GPHN: variants seen among roughly 807,000 people sequenced by gnomAD.
GPHN encodes the protein gephyrin.
In GPHN, 17 loss-of-function variants were observed where a neutral mutation model predicts 95.5. That is an observed-to-expected ratio of 0.18 (90% CI 0.12 to 0.27). GPHN has a LOEUF of 0.27. Ranked by LOEUF, GPHN falls within the 10% of genes least tolerant of loss-of-function variation. The pLI is 1.00. For missense variants in GPHN, 660 were observed against 978.1 expected, an observed-to-expected ratio of 0.67 and a Z score of 4.34; for synonymous variants, 320 against 322.5, an observed-to-expected ratio of 0.99 and a Z score of 0.08.
At chr14:67,620,746 C>A in the GPHN span, 1 of 733,318 alleles carries the variant, frequency 1.4e-6, no homozygotes, top group Non-Finnish European at 2.3e-6. Context: ...GATGTGATTC[C>A]AACAATGGAG....
At chr14:67,635,094 AT>A in the GPHN span, among the ~76,000 whole-genome samples, 6 of 152,046 alleles carry the variant, frequency 3.9e-5, no homozygotes, top group Non-Finnish European at 8.8e-5. Context: ...AAAAATATAA[AT>A]TAGCCAGGTA....
chr14:67,579,453 A>T, the GPHN span: 1 of 745,174 alleles, frequency 1.3e-6, no homozygotes. Context: ...ATGAACAGGG[A>T]AGCTGAGATG....
the GPHN span, among the ~76,000 whole-genome samples, chr14:67,532,428 C>T: frequency 1.3e-5 from 2 of 152,204 alleles, no homozygotes; most frequent in Non-Finnish European, 2.9e-5. Flanking sequence ...TTACTCCAGG[C>T]TCACCTAGCC....
chr14:67,642,097 T>C, the GPHN span: 4 of 1,262,454 alleles, frequency 3.2e-6, no homozygotes, highest in Non-Finnish European at 4.5e-6. Context: ...TGATGTGTAC[T>C]TTGTCACGTA....
the GPHN span, among the ~76,000 whole-genome samples, chr14:67,345,061 G>A: frequency 6.6e-5 from 10 of 152,064 alleles, no homozygotes; most frequent in Middle Eastern, 6.8e-3. Context: ...GGACGACATG[G>A]TGAAACCCCA....
At chr14:66,976,082 G>A (rs777574491) in intron 9 of GPHN, among the ~76,000 whole-genome samples, 2 of 152,044 alleles carry the variant, frequency 1.3e-5, no homozygotes, top group African/African-American at 2.4e-5. Context: ...TAATTTACAT[G>A]TGTTTATCTT....
intron 8 of GPHN, among the ~76,000 whole-genome samples, chr14:66,927,936 G>A (rs888820660): frequency 2.0e-5 from 3 of 152,096 alleles, no homozygotes; most frequent in Non-Finnish European, 4.4e-5. Flanking sequence ...TGAATTTGGT[G>A]TACTAGCATT....
At chr14:67,203,767 C>A in the GPHN span, among the ~76,000 whole-genome samples, 1 of 152,208 alleles carries the variant, frequency 6.6e-6, no homozygotes, top group Admixed American at 6.5e-5. Flanking sequence ...GGCTGGAGTG[C>A]AATGGCACGA....
At chr14:66,982,799 A>C (rs1397894543) in intron 9 of GPHN, among the ~76,000 whole-genome samples, 2 of 152,180 alleles carry the variant, frequency 1.3e-5, no homozygotes, top group African/African-American at 4.8e-5. Flanking sequence ...TTTACAGTTT[A>C]ACCTCTCTTA....
the GPHN span, chr14:67,724,417 C>G: frequency 9.0e-5 from 75 of 828,922 alleles, no homozygotes; most frequent in East Asian, 2.3e-4. Flanking sequence ...TTTAACGTAT[C>G]TTAGTGTGAG....
the GPHN span, among the ~76,000 whole-genome samples, chr14:67,628,248 A>G: frequency 7.2e-5 from 11 of 152,118 alleles, no homozygotes; most frequent in Non-Finnish European, 1.2e-4. Context: ...AGGTCTCACT[A>G]TGTTGCCCAG....
intron 8 of GPHN, among the ~76,000 whole-genome samples, chr14:66,925,475 C>T (rs575124889): frequency 1.3e-5 from 2 of 152,224 alleles, no homozygotes; most frequent in South Asian, 4.1e-4. Flanking sequence ...TCTTTATCTC[C>T]GTGAGTTCAA....
intron 1 of GPHN, among the ~76,000 whole-genome samples, chr14:66,537,158 C>T (rs2059174156): frequency 6.6e-6 from 1 of 151,940 alleles, no homozygotes; most frequent in Non-Finnish European, 1.5e-5. Flanking sequence ...TTGGAAATGT[C>T]ATATAGTCAG....
chr14:67,713,249 C>T, the GPHN span, among the ~76,000 whole-genome samples: 2 of 147,676 alleles, frequency 1.4e-5, no homozygotes, highest in African/African-American at 2.5e-5. Context: ...GAAAAACAAA[C>T]AAACAAACAA....
chr14:66,525,235 T>C (rs1328620131), intron 1 of GPHN, among the ~76,000 whole-genome samples: 1 of 152,248 alleles, frequency 6.6e-6, no homozygotes, highest in African/African-American at 2.4e-5. Context: ...TTTGCATTTC[T>C]GTAATGACCA....
At chr14:67,316,767 TAA>T in the GPHN span, 3 of 1,282,318 alleles carry the variant, frequency 2.3e-6, no homozygotes, top group Non-Finnish European at 2.1e-6. Flanking sequence ...CCTTCTTGAT[TAA>T]AAAAAAAATT....
chr14:67,656,095 C>T, the GPHN span, among the ~76,000 whole-genome samples: 3 of 151,794 alleles, frequency 2.0e-5, no homozygotes, highest in African/African-American at 7.3e-5. Flanking sequence ...AAAATACAAA[C>T]ATTAGCTAGG....
chr14:67,061,758 C>A (rs913275627), intron 11 of GPHN, among the ~76,000 whole-genome samples: 2 of 152,134 alleles, frequency 1.3e-5, no homozygotes, highest in Non-Finnish European at 2.9e-5. Context: ...GCGATCCTCT[C>A]GCCTTAGCCT....
chr14:67,427,216 G>A, the GPHN span, among the ~76,000 whole-genome samples: 1 of 152,138 alleles, frequency 6.6e-6, no homozygotes, highest in African/African-American at 2.4e-5. Flanking sequence ...TGACAGTCCC[G>A]TTAACTGTAA....
Sources: gnomAD v4.1 joint callset for allele counts (sites outside exome capture counted in the v4.1 genomes callset) on GRCh38, gnomAD v4.1.1 for gene constraint, MANE v1.5 for transcripts, NCBI Gene and HGNC (gene_info 2026-07-23, HGNC 2026-07-21) for gene names.